The following BDNF variants were observed in gnomAD, a reference collection of about 807,000 sequenced individuals.
The protein encoded by BDNF is neurotrophic factor BDNF precursor form.
In BDNF, 1 loss-of-function variant was observed where a neutral mutation model predicts 19.5. The ratio of observed to expected loss-of-function variants is 0.05; its 90% CI spans 0.02 to 0.24. The LOEUF is 0.24. Among genes scored for constraint, BDNF ranks in the 10% least tolerant of loss-of-function variants. BDNF has a pLI of 1.00. For synonymous variants in BDNF, 100 were observed against 121.6 expected (o/e 0.82, Z 1.17); for missense variants, 195 against 317.6 (o/e 0.61, Z 2.93).
intron 1 of BDNF, among the ~76,000 whole-genome samples, chr11:27,682,621 A>G (rs1030436815): frequency 6.6e-6 from 1 of 151,950 alleles, no homozygotes; most frequent in Non-Finnish European, 1.5e-5. Context: ...ATGTGTTCTC[A>G]CTGTTCAACT....
At position 27,658,293 on chromosome 11, in the gene BDNF, G is replaced by T. The variant is rs745707481; in HGVS notation, c.272C>A (p.Thr91Lys). 3.1e-6 allele frequency: 5 copies of T among 1,613,992 alleles called. No individual in the cohort carries two copies. Among genetic ancestry groups the T allele is most frequent in the Admixed American group, 3.3e-5 (2 of 60,012 alleles). ...TTGACTACTGAGCATCACCCTGGAC[G>T]TGTACAAGTCTGCGTCCTTATTGTT... ...EENNKDADLYTSRVMLSSQVP... is the reference protein window; with the variant it reads ...EENNKDADLYKSRVMLSSQVP... The change falls in exon 2 of 2, where the codon ACG becomes AAG. Residue 91 changes from threonine (T) to lysine (K), a missense_variant. Physicochemically the swap from Thr to Lys is moderately conservative, Grantham distance 78. Around this residue, in one of 2 missense-constraint regions of BDNF, gnomAD observed 124 missense variants for 155.0 expected, o/e 0.80. Coordinates refer to ENST00000356660, the MANE Select transcript of BDNF (RefSeq NM_001709.5). The surrounding 1 kb of genome is among the most constrained non-coding windows in gnomAD (Gnocchi z 5.7).
chr11:27,685,660 G>T (rs1229738516), intron 1 of BDNF, among the ~76,000 whole-genome samples: 1 of 152,148 alleles, frequency 6.6e-6, no homozygotes, highest in Non-Finnish European at 1.5e-5. Context: ...TATTTACTCA[G>T]TAGTCATTCA....
In BDNF at chr11:27,657,835, T is replaced by C; in HGVS notation, c.730A>G (p.Lys244Glu). 6.2e-7 allele frequency: 1 copy of C among 1,613,988 alleles called. No individual in the cohort carries two copies. Among genetic ancestry groups the C allele is most frequent in the Non-Finnish European group, 8.5e-7 (1 of 1,179,816 alleles). The change falls in exon 2 of 2, where the codon AAA becomes GAA. Residue 244 changes from lysine to glutamate, a missense_variant. Transcript: ENST00000356660. This position sits in a 1 kb window ranked among gnomAD's most constrained non-coding sequence, Gnocchi z 5.0. ...ACATAAATCCACTATCTTCCCCTTT[T>C]AATGGTCAATGTACATACACAAGAA... ...DTSCVCTLTIKRGR is the reference protein window; with the variant it reads ...DTSCVCTLTIERGR
intron 1 of BDNF, among the ~76,000 whole-genome samples, chr11:27,669,530 C>T (rs1396888487): frequency 6.6e-6 from 1 of 152,144 alleles, no homozygotes; most frequent in East Asian, 1.9e-4. Context: ...CCCAAAATCT[C>T]CTTAAGCTGA....
At chr11:27,686,710 T>C (rs1163901723) in intron 1 of BDNF, among the ~76,000 whole-genome samples, 3 of 152,232 alleles carry the variant, frequency 2.0e-5, no homozygotes, top group Non-Finnish European at 4.4e-5. Context: ...TCTTTAAGAA[T>C]GTTGAATATT....
At chr11:27,719,700 GAT>G (rs1167195434) in intron 1 of BDNF, 8 of 929,894 alleles carry the variant, frequency 8.6e-6, no homozygotes, top group Non-Finnish European at 1.0e-5. Context: ...GAGAGGAAGA[GAT>G]AGAATGAGGG....
intron 1 of BDNF, among the ~76,000 whole-genome samples, chr11:27,663,957 T>C (rs989883098): frequency 9.2e-5 from 14 of 152,114 alleles, no homozygotes; most frequent in East Asian, 5.8e-4. Context: ...ACTGCAAAAA[T>C]TGTAGCATGT....
At chr11:27,702,485 C>T (rs1025654540), upstream of BDNF, among the ~76,000 whole-genome samples, 1 of 152,102 alleles carries the variant, frequency 6.6e-6, no homozygotes, top group African/African-American at 2.4e-5. Context: ...TGTGTGTGTG[C>T]GTTTTTCTGT....
At position 27,657,030 on chromosome 11, in the gene BDNF, A is replaced by G. The variant is rs1019948169; in HGVS notation, c.*791T>C. 4 of 985,366 alleles carry G rather than the reference A, an allele frequency of 4.1e-6. No individual in the cohort carries two copies. The highest frequency in any genetic ancestry group is 1.1e-4 in the East Asian group (1 of 8,828). 61.0% of individuals were successfully genotyped at this position (985,366 alleles called of 1,614,324 possible). A position where few individuals can be genotyped will look rare whatever the true frequency, so the allele number is the denominator to read the frequency against. On this transcript the variant is annotated 3_prime_UTR_variant, in exon 2 of 2. Coordinates refer to ENST00000356660, the MANE Select transcript of BDNF (RefSeq NM_001709.5). The surrounding 1 kb of genome is among the most constrained non-coding windows in gnomAD (Gnocchi z 5.0). The stretch of plus-strand genomic sequence containing the variant: ...AGCAGCTTACTCTGACCAACGCCCA[A>G]AGAATGAGCGGGGCCTGGGAGGTGC...
chr11:27,675,933 G>C (rs975620379), intron 1 of BDNF: 2 of 152,124 alleles, frequency 1.3e-5, no homozygotes, highest in African/African-American at 4.8e-5. Flanking sequence ...AAGGCAACCA[G>C]ACCCACAAGC....
intron 1 of BDNF, among the ~76,000 whole-genome samples, chr11:27,718,195 A>G (rs1434440161): frequency 6.6e-6 from 1 of 152,162 alleles, no homozygotes; most frequent in Non-Finnish European, 1.5e-5. Flanking sequence ...AAGCTGCCTC[A>G]AAATGTCACA....
At chr11:27,670,114 A>T (rs899271195) in intron 1 of BDNF, among the ~76,000 whole-genome samples, 4 of 152,320 alleles carry the variant, frequency 2.6e-5, no homozygotes, top group African/African-American at 9.6e-5. Context: ...ACACATCTAC[A>T]ACCATCTGAT....
chr11:27,669,046 A>G (rs1296861297), intron 1 of BDNF, among the ~76,000 whole-genome samples: 1 of 152,196 alleles, frequency 6.6e-6, no homozygotes, highest in African/African-American at 2.4e-5. Flanking sequence ...CAGAACATCA[A>G]AAAGCTTATC....
At position 27,659,157 on chromosome 11, in the gene BDNF, T is replaced by C. The variant is rs925948; in HGVS notation, c.-21-572A>G. 1,407 of 1,002,366 alleles carry C rather than the reference T, an allele frequency of 1.4e-3. 3 individuals carry two copies. Among genetic ancestry groups the C allele is most frequent in the Admixed American group, 2.1e-3 (35 of 16,782 alleles). 62.1% of individuals were successfully genotyped at this position (1,002,366 alleles called of 1,614,324 possible). ...GGAGCCTTTAAATTGACTTTTTTTT[T>C]CCTCTTCCCACAGAGATACTCTATT... On this transcript the variant is annotated intron_variant, in intron 1 of 1. Coordinates refer to ENST00000356660, the MANE Select transcript of BDNF (RefSeq NM_001709.5).
chr11:27,713,520 A>C (rs1435665436), intron 1 of BDNF, among the ~76,000 whole-genome samples: 5 of 152,188 alleles, frequency 3.3e-5, no homozygotes, highest in Non-Finnish European at 5.9e-5. Flanking sequence ...TTTTCCCCAC[A>C]GTAACCTTGT....
upstream of BDNF, chr11:27,701,765 T>C: frequency 3.0e-6 from 1 of 334,254 alleles, no homozygotes; most frequent in East Asian, 1.7e-4. Flanking sequence ...GATACATCTT[T>C]TATTAGAAGA....
intron 1 of BDNF, among the ~76,000 whole-genome samples, chr11:27,678,152 A>C (rs1290446171): frequency 6.6e-6 from 1 of 152,064 alleles, no homozygotes; most frequent in Non-Finnish European, 1.5e-5. Context: ...AAATTCAAAA[A>C]CCCTGTTGCC....
chr11:27,684,003 C>T (rs937426092), intron 1 of BDNF, among the ~76,000 whole-genome samples: 41 of 152,088 alleles, frequency 2.7e-4, no homozygotes, highest in African/African-American at 9.2e-4. Context: ...GGCAGTATGG[C>T]CATTTTCACG....
At chr11:27,675,337 C>T (rs545325323) in intron 1 of BDNF, 3 of 152,258 alleles carry the variant, frequency 2.0e-5, no homozygotes, top group East Asian at 3.9e-4. Flanking sequence ...TATATGCATA[C>T]TTAATAGGGT....
Sources: gnomAD v4.1 joint callset for allele counts (sites outside exome capture counted in the v4.1 genomes callset) on GRCh38, gnomAD v4.1.1 for gene constraint, gnomAD v4.1.1 regional missense constraint, Gnocchi (gnomAD v3.1) non-coding constraint, MANE v1.5 for transcripts, NCBI Gene and HGNC (gene_info 2026-07-23, HGNC 2026-07-21) for gene names.